The following HPSE2 variants were observed in gnomAD, a reference collection of about 807,000 sequenced individuals.
The protein encoded by HPSE2 is heparanase 2 (inactive).
Under a neutral mutation model 60.5 loss-of-function variants are expected in HPSE2, and 38 were observed. That is an observed-to-expected ratio of 0.63 (90% CI 0.48 to 0.82). The LOEUF is 0.82. HPSE2 is among the 40% of genes least tolerant of loss of function. The pLI, the probability that HPSE2 is intolerant of heterozygous loss-of-function variation, is 0.00. For synonymous variants in HPSE2, 295 were observed against 293.2 expected, an observed-to-expected ratio of 1.01 and a Z score of -0.06; for missense variants, 713 against 740.4, an observed-to-expected ratio of 0.96 and a Z score of 0.43.
At position 98,567,937 on chromosome 10, in the gene HPSE2, C is replaced by T. The variant is rs7089891; in HGVS notation, c.1320+46967G>A. ...CAGGATCCCCAGTACTGTGGCCCCA[C>T]CTCATGGGATAAAAATCACACATCT... On this transcript the variant is annotated intron_variant, in intron 9 of 11. Transcript: ENST00000370552. 1.7e-3 allele frequency among the ~76,000 whole-genome samples: 253 copies of T among 152,252 alleles called. 1 individual carries two copies. The highest frequency in any genetic ancestry group is 5.9e-3 in the African/African-American group (246 of 41,530).
chr10:98,831,615 A>G (rs1951685285), intron 3 of HPSE2, among the ~76,000 whole-genome samples: 1 of 152,226 alleles, frequency 6.6e-6, no homozygotes, highest in Admixed American at 6.5e-5. Context: ...CCAACAGATA[A>G]GAGAGACCTT....
chr10:98,520,573 G>T (rs1312824912), intron 9 of HPSE2, among the ~76,000 whole-genome samples: 4 of 152,104 alleles, frequency 2.6e-5, no homozygotes, highest in African/African-American at 7.2e-5. Flanking sequence ...CAGTAAAGTG[G>T]GCTTCGAGGC....
intron 6 of HPSE2, among the ~76,000 whole-genome samples, chr10:98,669,141 A>AC (rs35541915): frequency 0.73 from 110,890 of 152,062 alleles, 42,391 homozygotes; most frequent in South Asian, 0.95. Flanking sequence ...AAAATACTCA[A>AC]ATCACTAATC....
chr10:98,928,960 C>T (rs1379900213), intron 3 of HPSE2, among the ~76,000 whole-genome samples: 2 of 138,058 alleles, frequency 1.4e-5, no homozygotes, highest in East Asian at 4.1e-4. Context: ...GCACATTGTG[C>T]ACATGTACCC....
intron 3 of HPSE2, among the ~76,000 whole-genome samples, chr10:98,801,544 A>G (rs1443830027): frequency 6.6e-6 from 1 of 152,186 alleles, no homozygotes; most frequent in African/African-American, 2.4e-5. Flanking sequence ...TAGTATTTCT[A>G]TATGTCAACA....
intron 6 of HPSE2, among the ~76,000 whole-genome samples, chr10:98,682,567 C>T (rs774993911): frequency 6.6e-5 from 10 of 152,092 alleles, no homozygotes; most frequent in South Asian, 2.1e-4. Context: ...TGACTGGCAG[C>T]TGTGGCTCAC....
chr10:98,771,239 T>G (rs1298861980), intron 3 of HPSE2, among the ~76,000 whole-genome samples: 2 of 152,148 alleles, frequency 1.3e-5, no homozygotes, highest in African/African-American at 2.4e-5. Flanking sequence ...TTATAGGGAT[T>G]CAGAGATGTT....
chr10:98,637,005 G>C (rs1161334312), intron 7 of HPSE2, among the ~76,000 whole-genome samples: 4 of 152,090 alleles, frequency 2.6e-5, no homozygotes, highest in African/African-American at 9.7e-5. Context: ...ACTCTTCCCT[G>C]TATTTTTAGA....
At chr10:98,758,212 T>C (rs1565141868) in intron 3 of HPSE2, among the ~76,000 whole-genome samples, 1 of 151,394 alleles carries the variant, frequency 6.6e-6, no homozygotes, top group Non-Finnish European at 1.5e-5. Context: ...GATGTAAATG[T>C]AAAATGTAGA....
At chr10:98,938,158 T>G (rs1954866323) in intron 3 of HPSE2, among the ~76,000 whole-genome samples, 1 of 143,306 alleles carries the variant, frequency 7.0e-6, no homozygotes, top group East Asian at 2.0e-4. Flanking sequence ...GCAGAAAAAC[T>G]GGAAATTCTA....
intron 3 of HPSE2, among the ~76,000 whole-genome samples, chr10:98,975,931 G>C (rs910418205): frequency 6.6e-6 from 1 of 152,154 alleles, no homozygotes; most frequent in African/African-American, 2.4e-5. Flanking sequence ...GCTAATCAAT[G>C]CAGGTTTTAG....
chr10:99,058,298 A>G (rs553565735), intron 3 of HPSE2, among the ~76,000 whole-genome samples: 1 of 152,312 alleles, frequency 6.6e-6, no homozygotes, highest in East Asian at 1.9e-4. Flanking sequence ...AACAGCTTCA[A>G]ATGTTCCCCA....
At chr10:99,162,847 C>T (rs933021281) in intron 2 of HPSE2, among the ~76,000 whole-genome samples, 53 of 152,230 alleles carry the variant, frequency 3.5e-4, no homozygotes, top group African/African-American at 1.2e-3. Context: ...ATAACTAAAA[C>T]AGTCCAAAAC....
chr10:98,904,657 T>C (rs1027639064), intron 3 of HPSE2, among the ~76,000 whole-genome samples: 4 of 152,216 alleles, frequency 2.6e-5, no homozygotes, highest in African/African-American at 9.6e-5. Context: ...ATTGATTTAA[T>C]GTTTGCTTGT....
At chr10:98,668,963 C>T (rs994201808) in intron 6 of HPSE2, among the ~76,000 whole-genome samples, 17 of 151,582 alleles carry the variant, frequency 1.1e-4, no homozygotes, top group African/African-American at 4.1e-4. Context: ...GAGTAAATAG[C>T]CTAGAGAAAA....
intron 3 of HPSE2, chr10:99,047,623 T>A: frequency 1.5e-6 from 1 of 679,942 alleles, no homozygotes; most frequent in South Asian, 1.7e-5. Context: ...CAAGCAGCTC[T>A]TTTCTGGCTG....
intron 3 of HPSE2, among the ~76,000 whole-genome samples, chr10:99,120,861 A>C (rs974314452): frequency 2.0e-5 from 3 of 152,212 alleles, no homozygotes; most frequent in African/African-American, 4.8e-5. Context: ...CATGGGTGAG[A>C]GTGTAAATTA....
the HPSE2 span, among the ~76,000 whole-genome samples, chr10:99,259,644 T>C: frequency 6.6e-6 from 1 of 152,048 alleles, no homozygotes; most frequent in Non-Finnish European, 1.5e-5. Context: ...TATTCCAACA[T>C]CAAAGACAAC....
chr10:99,280,597 T>C, the HPSE2 span, among the ~76,000 whole-genome samples: 1 of 152,148 alleles, frequency 6.6e-6, no homozygotes, highest in Non-Finnish European at 1.5e-5. Context: ...CAGTCACAGT[T>C]TGAAGTATAA....
Sources: allele counts gnomAD v4.1 joint callset (sites outside exome capture counted in the v4.1 genomes callset), GRCh38; gene constraint gnomAD v4.1.1; transcripts MANE v1.5; gene names NCBI Gene and HGNC (gene_info 2026-07-23, HGNC 2026-07-21).